MARCHF6: variants seen among roughly 807,000 people sequenced by gnomAD.
MARCHF6 encodes the protein membrane associated ring-CH-type finger 6.
MARCHF6 carries 31 observed loss-of-function variants against 133.7 expected under a neutral mutation model. That is an observed-to-expected ratio of 0.23 (90% CI 0.17 to 0.31). MARCHF6 has a LOEUF of 0.31. MARCHF6 is among the 10% of genes least tolerant of loss of function. MARCHF6 has a pLI of 1.00. For synonymous variants in MARCHF6, 395 were observed against 402.5 expected (o/e 0.98, Z 0.22); for missense variants, 723 against 1,121.6 (o/e 0.64, Z 5.08).
chr5:10,399,219 T>C (rs1029503224), intron 10 of MARCHF6, among the ~76,000 whole-genome samples: 2 of 152,160 alleles, frequency 1.3e-5, no homozygotes, highest in East Asian at 3.8e-4. Flanking sequence ...GAGAGCAAAA[T>C]AGGCAAAATT....
At chr5:10,415,377 T>C (rs1739448052) in intron 20 of MARCHF6, 111 bp from the exon 21 acceptor site, 4 of 963,346 alleles carry the variant, frequency 4.2e-6, no homozygotes, top group Non-Finnish European at 4.8e-6. Context: ...GACATTGATA[T>C]ATCGAATGTG....
At chr5:10,375,217 C>CG (rs972350643) in intron 1 of MARCHF6, among the ~76,000 whole-genome samples, 1 of 152,172 alleles carries the variant, frequency 6.6e-6, no homozygotes, top group Non-Finnish European at 1.5e-5. Flanking sequence ...GCTGGAGTTC[C>CG]GGGTGGGCAT....
intron 4 of MARCHF6, among the ~76,000 whole-genome samples, chr5:10,386,389 T>G (rs1737480299): frequency 6.6e-6 from 1 of 152,378 alleles, no homozygotes; most frequent in South Asian, 2.1e-4. Flanking sequence ...CTGTCTAGAA[T>G]TCTGCTTTCC....
At chr5:10,402,031 A>T in intron 11 of MARCHF6, 28 bp from the exon 12 acceptor site, 1 of 1,419,666 alleles carries the variant, frequency 7.0e-7, no homozygotes, top group Non-Finnish European at 1.0e-6. Flanking sequence ...GTAAAATTAA[A>T]TTTTATTTAC....
chr5:10,437,376 AT>A lies in MARCHF6; in HGVS notation c.*3694del, dbSNP rs1374898151. 3 of 151,866 alleles carry A rather than the reference AT, an allele frequency of 2.0e-5. No homozygotes were observed. Among genetic ancestry groups the A allele is most frequent in the Non-Finnish European group, 4.4e-5 (3 of 67,992 alleles). The allele number at this position is 151,866 out of a possible 1,614,324, so 9.4% of individuals were successfully genotyped here. On this transcript the variant is annotated 3_prime_UTR_variant, in exon 26 of 26. Transcript: ENST00000274140. ...ATTATTAAAAGCCTCATTTGTGGAG[AT>A]TCGCTGACTTCCTTGGTTAAGCTGT...
chr5:10,357,679 C>G (rs1366020571), intron 1 of MARCHF6, among the ~76,000 whole-genome samples: 1 of 152,136 alleles, frequency 6.6e-6, no homozygotes, highest in African/African-American at 2.4e-5. Flanking sequence ...TTTCTTACCA[C>G]GCATTACCTT....
intron 1 of MARCHF6, among the ~76,000 whole-genome samples, chr5:10,360,423 G>A (rs1735755623): frequency 6.6e-6 from 1 of 152,160 alleles, no homozygotes; most frequent in Admixed American, 6.5e-5. Context: ...ATAGGCGTGA[G>A]CCACCGCGCC....
intron 1 of MARCHF6, among the ~76,000 whole-genome samples, chr5:10,360,536 C>T (rs1274204999): frequency 6.6e-6 from 1 of 152,214 alleles, no homozygotes; most frequent in Non-Finnish European, 1.5e-5. Context: ...CTTGGAAATA[C>T]TATGCTGTTT....
intron 7 of MARCHF6, among the ~76,000 whole-genome samples, chr5:10,392,986 A>G (rs1235808827): frequency 6.6e-6 from 1 of 152,204 alleles, no homozygotes; most frequent in African/African-American, 2.4e-5. Flanking sequence ...GTTTAGTGAA[A>G]AAGTAGGAAA....
intron 17 of MARCHF6, among the ~76,000 whole-genome samples, chr5:10,407,784 T>A (rs1230220178): frequency 6.6e-6 from 1 of 152,140 alleles, no homozygotes; most frequent in Non-Finnish European, 1.5e-5. Context: ...AGAAACCCTG[T>A]CTCTACTAAA....
At chr5:10,401,129 CTGTA>C (rs1738508252) in intron 11 of MARCHF6, 1 of 325,456 alleles carries the variant, frequency 3.1e-6, no homozygotes, top group Admixed American at 4.4e-5. Flanking sequence ...TCTCAAGAAC[CTGTA>C]TGTTCTCTTC....
intron 6 of MARCHF6, 32 bp downstream of exon 6, chr5:10,390,532 T>C (rs1037864479): frequency 1.3e-6 from 2 of 1,593,896 alleles, no homozygotes; most frequent in Admixed American, 1.7e-5. Context: ...TGATTTTACT[T>C]AGGTAGGTCA....
At position 10,391,664 on chromosome 5, in the gene MARCHF6, G is replaced by A. The variant is rs775053423; in HGVS notation, c.699G>A (p.Glu233=). The A allele has an allele frequency of 3.8e-5, 61 of 1,609,992 alleles. No homozygotes were observed. Among genetic ancestry groups the A allele is most frequent in the Non-Finnish European group, 5.1e-5 (60 of 1,178,240 alleles). ...DAQDDQAEEE[E]EDNEEEDDAG... is the part of the protein sequence containing the mutation. ...AGGATGACCAGGCAGAAGAGGAGGA[G>A]GAGGACAATGAGGAGGAAGATGACG... The change falls in exon 7 of 26, where the codon GAG becomes GAA. Residue 233 remains glutamate (E), a synonymous_variant. Coordinates refer to ENST00000274140, the MANE Select transcript of MARCHF6 (RefSeq NM_005885.4).
At chr5:10,371,257 C>G (rs1165415658) in intron 1 of MARCHF6, among the ~76,000 whole-genome samples, 1 of 152,122 alleles carries the variant, frequency 6.6e-6, no homozygotes, top group African/African-American at 2.4e-5. Context: ...ACCTCAGTTT[C>G]CCAAACTATG....
chr5:10,416,125 A>G (rs945966726), intron 21 of MARCHF6, among the ~76,000 whole-genome samples: 1 of 152,236 alleles, frequency 6.6e-6, no homozygotes, highest in African/African-American at 2.4e-5. Flanking sequence ...TAAGGGCCTT[A>G]CTGGACACTT....
chr5:10,421,297 C>T (rs1399011579), intron 22 of MARCHF6, among the ~76,000 whole-genome samples: 1 of 151,804 alleles, frequency 6.6e-6, no homozygotes, highest in Non-Finnish European at 1.5e-5. Flanking sequence ...TAGAGAATGC[C>T]CAAATAAAAT....
intron 4 of MARCHF6, among the ~76,000 whole-genome samples, chr5:10,384,446 G>T (rs1737346670): frequency 6.6e-6 from 1 of 152,132 alleles, no homozygotes; most frequent in Admixed American, 6.5e-5. Flanking sequence ...TCCCAATTAA[G>T]CAGTGGACAG....
At chr5:10,396,757 G>A (rs1738214135) in intron 9 of MARCHF6, among the ~76,000 whole-genome samples, 1 of 152,174 alleles carries the variant, frequency 6.6e-6, no homozygotes, top group South Asian at 2.1e-4. Context: ...ATGGTCAGGT[G>A]AGACAGGACA....
chr5:10,412,551 G>C (rs1208322850), intron 19 of MARCHF6, among the ~76,000 whole-genome samples: 4 of 152,122 alleles, frequency 2.6e-5, no homozygotes, highest in Non-Finnish European at 5.9e-5. Flanking sequence ...GGCATGGTGG[G>C]CTTAGAATTG....
Sources: allele counts gnomAD v4.1 joint callset (sites outside exome capture counted in the v4.1 genomes callset), GRCh38; gene constraint gnomAD v4.1.1; transcripts MANE v1.5; gene names NCBI Gene and HGNC (gene_info 2026-07-23, HGNC 2026-07-21).